ANKRD17: variants seen among roughly 807,000 people sequenced by gnomAD.
ANKRD17 encodes ankyrin repeat domain-containing protein 17.
ANKRD17 carries 19 observed loss-of-function variants against 229.7 expected under a neutral mutation model. The observed-to-expected ratio is 0.08, with a 90% CI of 0.06 to 0.12. ANKRD17 has a LOEUF of 0.12. Ranked by LOEUF, ANKRD17 falls within the 10% of genes least tolerant of loss-of-function variation. The probability of loss-of-function intolerance (pLI) is 1.00; values close to 1 mark genes in which losing one functional copy is unlikely to be tolerated. For missense variants in ANKRD17, 2,176 were observed against 3,176.8 expected (o/e 0.68, Z 7.57); for synonymous variants, 1,112 against 1,146.1 (o/e 0.97, Z 0.60).
chr4:73,156,109 G>A lies in ANKRD17; in HGVS notation c.762C>T (p.Leu254=), dbSNP rs1731623868. The A allele has an allele frequency of 8.1e-6, 13 of 1,613,316 alleles. No homozygotes were observed. Among genetic ancestry groups the A allele is most frequent in the South Asian group, 1.1e-5 (1 of 90,868 alleles). ...EGDVNAVRKL[L]IEGRSVNEHT... The stretch of plus-strand genomic sequence containing the variant: ...GTTCATTTACACTTCGCCCTTCAAT[G>A]AGTAACTTTCGCACAGCATTTACAT... Residue 254 remains leucine (L), a synonymous_variant, in exon 4 of 34, where the codon CTC becomes CTT. Coordinates refer to ENST00000358602, the MANE Select transcript of ANKRD17 (RefSeq NM_032217.5).
intron 1 of ANKRD17, among the ~76,000 whole-genome samples, chr4:73,179,484 G>GTATATATA (rs1287512668): frequency 2.3e-4 from 15 of 65,662 alleles, no homozygotes; most frequent in South Asian, 5.2e-4. Flanking sequence ...GTGTGTGTGT[G>GTATATATA]TGTGTATATA....
intron 1 of ANKRD17, among the ~76,000 whole-genome samples, chr4:73,192,482 T>A (rs2149070626): frequency 6.6e-6 from 1 of 152,164 alleles, no homozygotes; most frequent in Admixed American, 6.5e-5. Flanking sequence ...TTATTAACAG[T>A]GGTAATCAAA....
intron 1 of ANKRD17, among the ~76,000 whole-genome samples, chr4:73,246,030 G>T (rs772690556): frequency 3.3e-5 from 5 of 152,132 alleles, no homozygotes; most frequent in Non-Finnish European, 7.4e-5. Flanking sequence ...ACTTCCTAGG[G>T]ATGTCACACC....
intron 24 of ANKRD17, 45 bp downstream of exon 24, chr4:73,113,747 G>T: frequency 1.5e-6 from 2 of 1,350,614 alleles, no homozygotes; most frequent in South Asian, 1.2e-5. Context: ...GAGAAAACAA[G>T]ATGGAAAAAA....
At chr4:73,219,725 T>C (rs1346979898) in intron 1 of ANKRD17, among the ~76,000 whole-genome samples, 1 of 152,160 alleles carries the variant, frequency 6.6e-6, no homozygotes, top group Non-Finnish European at 1.5e-5. Flanking sequence ...CAAGTACAGA[T>C]GAAGCTGGAC....
intron 1 of ANKRD17, among the ~76,000 whole-genome samples, chr4:73,249,523 A>G (rs756467988): frequency 3.9e-5 from 6 of 152,256 alleles, no homozygotes; most frequent in Non-Finnish European, 7.3e-5. Flanking sequence ...CTACCTTATA[A>G]GTCAGTTTGA....
intron 1 of ANKRD17, among the ~76,000 whole-genome samples, chr4:73,246,336 G>C (rs1405289191): frequency 1.3e-5 from 2 of 152,252 alleles, no homozygotes; most frequent in East Asian, 3.9e-4. Context: ...ACAATGGGTT[G>C]GGTGAAAAGA....
At position 73,147,472 on chromosome 4, in the gene ANKRD17, C is replaced by T. The variant is rs749836616; in HGVS notation, c.1568-40G>A. 1.1e-5 allele frequency: 15 copies of T among 1,392,580 alleles called. No homozygotes were observed. In the East Asian group the frequency reaches 2.7e-4, roughly 25 times the overall value. 86.3% of individuals were successfully genotyped at this position (1,392,580 alleles called of 1,614,324 possible). On this transcript the variant is annotated intron_variant, in intron 8 of 33. Transcript: ENST00000358602. Reference sequence around the variant, plus strand: ...CTAATTATTTAAAGAAAGTCATTAACTTATTCCAGAGATATGAAAAACATG... The same window carrying T: ...CTAATTATTTAAAGAAAGTCATTAATTTATTCCAGAGATATGAAAAACATG...
In ANKRD17 at chr4:73,258,723, C is replaced by T; in HGVS notation, c.-55G>A. On this transcript the variant is annotated 5_prime_UTR_variant, in exon 1 of 34. Coordinates refer to ENST00000358602, the MANE Select transcript of ANKRD17 (RefSeq NM_032217.5). ...GGGAGGGGCGTGGGGCTACGCTCTA[C>T]CGCGACTTCGGCCGCACTGGGGCCG... is the stretch of plus-strand genomic sequence containing the variant. 2 of 1,389,794 alleles carry T rather than the reference C, an allele frequency of 1.4e-6. No individual in the cohort carries two copies. The highest frequency in any genetic ancestry group is 1.6e-5 in the South Asian group (1 of 62,594). 86.1% of individuals were successfully genotyped at this position (1,389,794 alleles called of 1,614,324 possible).
chr4:73,149,047 C>T lies in ANKRD17; in HGVS notation c.1333G>A (p.Gly445Ser). Residue 445 changes from glycine to serine, a missense_variant, in exon 8 of 34, where the codon GGC (glycine) becomes AGC (serine). Coordinates refer to ENST00000358602, the MANE Select transcript of ANKRD17 (RefSeq NM_032217.5). The part of the protein sequence containing the change: ...HTALMEACMD[G>S]HVEVARLLLD... ...AGTAACCTAGCTACTTCAACATGGC[C>T]ATCCTAATGATAATACAATTTAAAA... 1 of 1,611,232 alleles carries T rather than the reference C, an allele frequency of 6.2e-7. No homozygotes were observed. Among genetic ancestry groups the T allele is most frequent in the Non-Finnish European group, 8.5e-7 (1 of 1,178,284 alleles).
intron 1 of ANKRD17, among the ~76,000 whole-genome samples, chr4:73,252,754 A>T (rs1484499781): frequency 6.6e-6 from 1 of 152,164 alleles, no homozygotes; most frequent in East Asian, 1.9e-4. Context: ...ATAAGTGGTA[A>T]ATCGCCTCTA....
At chr4:73,170,527 GT>G (rs1733844290) in intron 2 of ANKRD17, among the ~76,000 whole-genome samples, 1 of 151,222 alleles carries the variant, frequency 6.6e-6, no homozygotes, top group Admixed American at 6.6e-5. Flanking sequence ...TGACAGCACA[GT>G]TGGGGTCGGG....
intron 2 of ANKRD17, among the ~76,000 whole-genome samples, chr4:73,165,850 C>T (rs552406877): frequency 1.3e-5 from 2 of 151,902 alleles, no homozygotes; most frequent in Non-Finnish European, 2.9e-5. Flanking sequence ...AGATGACAGC[C>T]CATAAAAAAA....
intron 10 of ANKRD17, among the ~76,000 whole-genome samples, chr4:73,146,447 CT>C (rs766728021): frequency 2.8e-4 from 42 of 151,906 alleles, no homozygotes; most frequent in Non-Finnish European, 3.8e-4. Context: ...CCACATTTGC[CT>C]TTTTATATCA....
At chr4:73,127,564 T>G (rs986291317) in intron 16 of ANKRD17, among the ~76,000 whole-genome samples, 3 of 152,156 alleles carry the variant, frequency 2.0e-5, no homozygotes, top group Admixed American at 1.3e-4. Flanking sequence ...CTTATATGTT[T>G]ATCACCCACA....
At chr4:73,213,549 A>G (rs897212658) in intron 1 of ANKRD17, among the ~76,000 whole-genome samples, 8 of 152,308 alleles carry the variant, frequency 5.3e-5, no homozygotes, top group African/African-American at 1.9e-4. Context: ...TCAAAATTTT[A>G]TGGTGGTGGG....
chr4:73,190,571 AAAAC>A, intron 1 of ANKRD17, among the ~76,000 whole-genome samples: 4 of 151,370 alleles, frequency 2.6e-5, no homozygotes, highest in African/African-American at 9.7e-5. Context: ...AAACAAAAAA[AAAAC>A]AAAAAAAACC....
intron 20 of ANKRD17, among the ~76,000 whole-genome samples, chr4:73,120,601 A>G (rs1020766458): frequency 2.6e-5 from 4 of 151,680 alleles, no homozygotes; most frequent in African/African-American, 4.8e-5. Flanking sequence ...CACTTGGCAT[A>G]TAACTGGTAC....
In ANKRD17 at chr4:73,242,124, G is replaced by A. The variant is rs1053647356; in HGVS notation, c.393+16152C>T. Among the ~76,000 whole-genome samples the A allele has an allele frequency of 4.6e-5, 7 of 152,096 alleles. 1 individual carries two copies. The highest frequency in any genetic ancestry group is 2.6e-4 in the Admixed American group (4 of 15,266). On this transcript the variant is annotated intron_variant, in intron 1 of 33. Coordinates refer to ENST00000358602, the MANE Select transcript of ANKRD17 (RefSeq NM_032217.5). The stretch of plus-strand genomic sequence containing the variant: ...ACCACTGACATTCAACATTTTGGGG[G>A]TGGTTCAAAACTCACGCAATAAGAG...
Sources: allele counts gnomAD v4.1 joint callset (sites outside exome capture counted in the v4.1 genomes callset), GRCh38; gene constraint gnomAD v4.1.1; transcripts MANE v1.5; gene names NCBI Gene and HGNC (gene_info 2026-07-23, HGNC 2026-07-21).